The following SLC25A42 variants were observed in gnomAD, a reference collection of about 807,000 sequenced individuals.
The protein encoded by SLC25A42 is mitochondrial coenzyme A transporter SLC25A42.
A neutral mutation model predicts 34.7 loss-of-function variants in SLC25A42; 19 were observed. The ratio of observed to expected loss-of-function variants is 0.55; its 90% CI spans 0.38 to 0.80. SLC25A42 has a LOEUF of 0.80. Among genes scored for constraint, SLC25A42 ranks in the 30% least tolerant of loss-of-function variants. SLC25A42 has a pLI of 0.00. For synonymous variants in SLC25A42, 205 were observed against 191.2 expected (o/e 1.07, Z -0.59); for missense variants, 364 against 441.3 (o/e 0.82, Z 1.57).
In SLC25A42 at chr19:19,109,739, G is replaced by A. The variant is rs1273581124; in HGVS notation, c.650-830G>A. Among the ~76,000 whole-genome samples, 2 of 152,072 alleles carry A rather than the reference G, an allele frequency of 1.3e-5. No individual in the cohort carries two copies. The highest frequency in any genetic ancestry group is 4.8e-5 in the African/African-American group (2 of 41,404). ...TGAGTCACTGCACCCAGCCTTGGCT[G>A]TTTTAAATTCCTAGTTCTAAATTTA... On this transcript the variant is annotated intron_variant, in intron 7 of 7. Coordinates refer to ENST00000318596, the MANE Select transcript of SLC25A42 (RefSeq NM_178526.5). This position sits in a 1 kb window ranked among gnomAD's most constrained non-coding sequence, Gnocchi z 4.1.
At chr19:19,067,909 A>G (rs985466814) in intron 1 of SLC25A42, among the ~76,000 whole-genome samples, 1 of 152,052 alleles carries the variant, frequency 6.6e-6, no homozygotes, top group African/African-American at 2.4e-5. Flanking sequence ...CGTGTCATAC[A>G]GTTTTTTTTG....
At chr19:19,096,266 C>T (rs895450745) in intron 2 of SLC25A42, 61 bp downstream of exon 2, 26 of 1,336,008 alleles carry the variant, frequency 1.9e-5, no homozygotes, top group East Asian at 1.9e-4. Context: ...CCCACCCCCC[C>T]TCCCAGGCTC....
intron 5 of SLC25A42, chr19:19,106,034 G>T: frequency 1.1e-5 from 6 of 552,648 alleles, no homozygotes; most frequent in Non-Finnish European, 1.6e-5. Context: ...GGGAAAATAC[G>T]CATCATTAAT....
At chr19:19,095,538 A>G (rs2059759917) in intron 1 of SLC25A42, among the ~76,000 whole-genome samples, 1 of 152,070 alleles carries the variant, frequency 6.6e-6, no homozygotes, top group African/African-American at 2.4e-5. Context: ...GCTTAAACCT[A>G]GGAGGTGGAG....
At chr19:19,084,919 A>T (rs2059699446) in intron 1 of SLC25A42, among the ~76,000 whole-genome samples, 1 of 147,580 alleles carries the variant, frequency 6.8e-6, no homozygotes, top group Admixed American at 6.8e-5. Context: ...CAACATAGCG[A>T]GACCCCATCT....
chr19:19,080,533 A>G (rs2145904399), intron 1 of SLC25A42, among the ~76,000 whole-genome samples: 1 of 152,204 alleles, frequency 6.6e-6, no homozygotes, highest in Middle Eastern at 3.4e-3. Context: ...TGTAATCCCA[A>G]CACTTTGGGA....
At chr19:19,095,474 G>A (rs963787059) in intron 1 of SLC25A42, among the ~76,000 whole-genome samples, 2 of 152,122 alleles carry the variant, frequency 1.3e-5, no homozygotes, top group African/African-American at 2.4e-5. Context: ...TTAGCTGGGT[G>A]TGGTAGCAGG....
intron 1 of SLC25A42, among the ~76,000 whole-genome samples, chr19:19,088,202 A>ATT (rs10706701): frequency 1.0e-5 from 1 of 96,732 alleles, no homozygotes; most frequent in Non-Finnish European, 2.1e-5. Context: ...CTGATCTTCA[A>ATT]TTTTTTTTTT....
rs548905345 is a variant in SLC25A42, at chr19:19,101,967, A to G, written c.187+81A>G. On this transcript the variant is annotated intron_variant, in intron 3 of 7. Transcript: ENST00000318596. ...TTCATGGCCCCCAAACCACGCTTCA[A>G]ATTGGCTTTTATTTTTAGATTTATT... 1.4e-5 allele frequency: 12 copies of G among 858,214 alleles called. No homozygotes were observed. In the African/African-American group the frequency reaches 1.9e-4, roughly 14 times the overall value. 53.2% of individuals were successfully genotyped at this position (858,214 alleles called of 1,614,324 possible).
At chr19:19,096,270 C>T in intron 2 of SLC25A42, 65 bp downstream of exon 2, 6 of 1,307,338 alleles carry the variant, frequency 4.6e-6, no homozygotes, top group South Asian at 1.3e-5. Flanking sequence ...CCCCCCCTCC[C>T]AGGCTCCCTG....
At chr19:19,101,913 A>G in intron 3 of SLC25A42, 27 bp downstream of exon 3, 1 of 1,574,942 alleles carries the variant, frequency 6.3e-7, no homozygotes, top group Non-Finnish European at 8.7e-7. Context: ...CCCAGGTGCT[A>G]GAGAAGCTGC....
chr19:19,094,133 C>T (rs1158652060), intron 1 of SLC25A42, among the ~76,000 whole-genome samples: 1 of 152,208 alleles, frequency 6.6e-6, no homozygotes, highest in Non-Finnish European at 1.5e-5. Flanking sequence ...TTCTGTGCTG[C>T]AGTCACTGAC....
At chr19:19,106,208 G>C (rs1599690516) in intron 5 of SLC25A42, 61 bp from the exon 6 acceptor site, 13 of 1,430,322 alleles carry the variant, frequency 9.1e-6, no homozygotes, top group Non-Finnish European at 1.2e-5. Flanking sequence ...CTCCAGGCTG[G>C]GCCTCTGTGC....
chr19:19,070,541 C>T (rs1208817655), intron 1 of SLC25A42, among the ~76,000 whole-genome samples: 2 of 149,536 alleles, frequency 1.3e-5, no homozygotes, highest in Non-Finnish European at 3.0e-5. Context: ...GTGATCTGCC[C>T]AACTCGGCCT....
At chr19:19,108,541 C>A in intron 7 of SLC25A42, among the ~76,000 whole-genome samples, 1 of 71,936 alleles carries the variant, frequency 1.4e-5, no homozygotes. Context: ...AAAGTGAGAC[C>A]CTGTCTCAAG....
chr19:19,104,892 T>C (rs1441422015), intron 3 of SLC25A42, 21 bp from the exon 4 acceptor site: 3 of 1,614,026 alleles, frequency 1.9e-6, no homozygotes, highest in South Asian at 1.1e-5. Flanking sequence ...TCAGTGGCTT[T>C]TGTGCTTTTG....
intron 6 of SLC25A42, 58 bp from the exon 7 acceptor site, chr19:19,107,836 C>T: frequency 1.9e-6 from 3 of 1,597,290 alleles, no homozygotes; most frequent in Non-Finnish European, 2.6e-6. Flanking sequence ...GCCTCTGTGG[C>T]TCCTCCCTGT....
intron 2 of SLC25A42, among the ~76,000 whole-genome samples, chr19:19,100,351 A>G (rs1325524911): frequency 1.3e-5 from 2 of 152,066 alleles, no homozygotes; most frequent in East Asian, 3.9e-4. Context: ...CAGAAAAAAA[A>G]TAAAAATAAC....
In SLC25A42 at chr19:19,109,944, G is replaced by T. The variant is rs1487643387; in HGVS notation, c.650-625G>T. 6.6e-6 allele frequency among the ~76,000 whole-genome samples: 1 copy of T among 152,252 alleles called. No individual in the cohort carries two copies. Among genetic ancestry groups the T allele is most frequent in the South Asian group, 2.1e-4 (1 of 4,814 alleles). ...AGGGCGCAGGTCGGGGACCAGGCACGGGAGCACCTAGAATGTTCCTTTACT... is the reference window on the plus strand; with the variant it reads ...AGGGCGCAGGTCGGGGACCAGGCACTGGAGCACCTAGAATGTTCCTTTACT... On this transcript the variant is annotated intron_variant, in intron 7 of 7. Coordinates refer to ENST00000318596, the MANE Select transcript of SLC25A42 (RefSeq NM_178526.5). The surrounding 1 kb of genome is among the most constrained non-coding windows in gnomAD (Gnocchi z 4.1).
Sources: gnomAD v4.1 joint callset for allele counts (sites outside exome capture counted in the v4.1 genomes callset) on GRCh38, gnomAD v4.1.1 for gene constraint, Gnocchi (gnomAD v3.1) non-coding constraint, MANE v1.5 for transcripts, NCBI Gene and HGNC (gene_info 2026-07-23, HGNC 2026-07-21) for gene names.